The following UBR3 variants were observed in gnomAD, a reference collection of about 807,000 sequenced individuals.
UBR3 encodes ubiquitin protein ligase E3 component n-recognin 3, also known as E3 ubiquitin-protein ligase UBR3.
Under a neutral mutation model 243.2 loss-of-function variants are expected in UBR3, and 85 were observed. The ratio of observed to expected loss-of-function variants is 0.35; its 90% CI spans 0.29 to 0.42. The LOEUF (loss-of-function observed/expected upper bound fraction) is 0.42. UBR3 is among the 10% of genes least tolerant of loss of function. The pLI, the probability that UBR3 is intolerant of heterozygous loss-of-function variation, is 1.00. For synonymous variants in UBR3, 748 were observed against 799.8 expected (o/e 0.94, Z 1.09); for missense variants, 1,686 against 2,300.8 (o/e 0.73, Z 5.47).
In UBR3 at chr2:170,079,968, T is replaced by C; in HGVS notation, c.5354T>C (p.Phe1785Ser). ...GCTGTTTGCCTTGTGTGTGGTACTTTTGTATGCCTGAAAGGACTTTGCTGC... is the reference window on the plus strand; with the variant it reads ...GCTGTTTGCCTTGTGTGTGGTACTTCTGTATGCCTGAAAGGACTTTGCTGC... ...DPAVCLVCGT[F>S]VCLKGLCCKQ... The change falls in exon 37 of 39, where the codon TTT becomes TCT. Residue 1785 changes from phenylalanine (F) to serine (S), a missense_variant. Transcript: ENST00000272793. 1 of 1,614,082 alleles carries C rather than the reference T, an allele frequency of 6.2e-7. No homozygotes were observed. Among genetic ancestry groups the C allele is most frequent in the Non-Finnish European group, 8.5e-7 (1 of 1,179,970 alleles).
intron 13 of UBR3, among the ~76,000 whole-genome samples, chr2:169,924,471 T>C (rs1409560072): frequency 6.6e-6 from 1 of 152,202 alleles, no homozygotes; most frequent in Non-Finnish European, 1.5e-5. Context: ...GCCTTGGTGC[T>C]ACCACTGTTT....
Position 170,041,803 on chromosome 2 carries a change from C to G in UBR3, c.4660+818C>G, listed in dbSNP as rs899230022. On this transcript the variant is annotated intron_variant, in intron 32 of 38. Coordinates refer to ENST00000272793, the MANE Select transcript of UBR3 (RefSeq NM_172070.4). ...GCTTGATCTTTGATAAATCCTTTTACCTAAGGGTGTGAAATAATCATTTAA... is the reference window on the plus strand; with the variant it reads ...GCTTGATCTTTGATAAATCCTTTTAGCTAAGGGTGTGAAATAATCATTTAA... Among the ~76,000 whole-genome samples, 126 of 152,192 alleles carry G rather than the reference C, an allele frequency of 8.3e-4. 1 individual carries two copies. The highest frequency in any genetic ancestry group is 2.8e-3 in the African/African-American group (118 of 41,552).
intron 10 of UBR3, among the ~76,000 whole-genome samples, chr2:169,911,923 A>G (rs924320310): frequency 3.3e-5 from 5 of 152,232 alleles, no homozygotes; most frequent in Admixed American, 1.3e-4. Flanking sequence ...CTCATATAGC[A>G]TAGATTAAAA....
In UBR3 at chr2:170,007,158, G is replaced by A; in HGVS notation, c.4198G>A (p.Glu1400Lys). Residue 1400 changes from glutamate to lysine, a missense_variant, in exon 28 of 39, where the codon GAG becomes AAG. Physicochemically the swap from Glu to Lys is moderately conservative, Grantham distance 56 (BLOSUM62 1). Coordinates refer to ENST00000272793, the MANE Select transcript of UBR3 (RefSeq NM_172070.4). ...CATACAAGATCTCATAAAGGAAGTG[G>A]AGGAGCTGCAGGGACGACCGGGAGC... ...KSIQDLIKEV[E>K]ELQGRPGAFP... is the part of the protein sequence containing the mutation. The A allele has an allele frequency of 6.2e-7, 1 of 1,610,922 alleles. No homozygotes were observed. Among genetic ancestry groups the A allele is most frequent in the African/African-American group, 1.3e-5 (1 of 74,828 alleles).
At chr2:169,934,623 TC>T (rs1191809174) in intron 19 of UBR3, among the ~76,000 whole-genome samples, 1 of 152,208 alleles carries the variant, frequency 6.6e-6, no homozygotes, top group African/African-American at 2.4e-5. Context: ...AGGGATCTTT[TC>T]TTATTTGTAA....
rs1055649390 is a variant in UBR3 at position 169,828,139 on chromosome 2, T to C, written c.545+87T>C. 9 of 1,283,700 alleles carry C rather than the reference T, an allele frequency of 7.0e-6. No homozygotes were observed. The African/African-American group carries it at 1.2e-4, about 17-fold the overall frequency. 79.5% of individuals were successfully genotyped at this position (1,283,700 alleles called of 1,614,324 possible). A position where few individuals can be genotyped will look rare whatever the true frequency, so the allele number is the denominator to read the frequency against. On this transcript the variant is annotated intron_variant, in intron 1 of 38. Transcript: ENST00000272793. ...GGAGCGGAGCACTGGGAGCCCACTC[T>C]GAGCTGTCAAGGGGAGGGTGCGGGG...
At chr2:169,915,819 A>C (rs114946965) in intron 11 of UBR3, among the ~76,000 whole-genome samples, 2,973 of 152,184 alleles carry the variant, frequency 0.02, 107 homozygotes, top group African/African-American at 0.065. Flanking sequence ...TTTTGTCTCT[A>C]GAGATTCATA....
At position 169,883,239 on chromosome 2, in the gene UBR3, A is replaced by G. The variant is rs117657645; in HGVS notation, c.1038+4665A>G. On this transcript the variant is annotated intron_variant, in intron 5 of 38. Coordinates refer to ENST00000272793, the MANE Select transcript of UBR3 (RefSeq NM_172070.4). ...GACGGAGATCTAAGATGGCTCACTC[A>G]TAGGGCTGATAGTTGATGCTGACCA... is the stretch of plus-strand genomic sequence containing the variant. 4.9e-4 allele frequency among the ~76,000 whole-genome samples: 74 copies of G among 152,214 alleles called. No homozygotes were observed. The East Asian group carries it at 0.013, about 26-fold the overall frequency.
chr2:169,912,975 A>G (rs190322494), intron 10 of UBR3, among the ~76,000 whole-genome samples: 80 of 152,242 alleles, frequency 5.3e-4, no homozygotes, highest in Non-Finnish European at 6.8e-4. Context: ...TCGCAGAGAC[A>G]GAGACTTGCT....
intron 1 of UBR3, among the ~76,000 whole-genome samples, chr2:169,864,362 A>G (rs2083183907): frequency 6.6e-6 from 1 of 152,194 alleles, no homozygotes; most frequent in Non-Finnish European, 1.5e-5. Context: ...CAAGGCCTCC[A>G]TATTCCCAGG....
chr2:169,891,727 C>T (rs2084386106), intron 6 of UBR3, among the ~76,000 whole-genome samples: 1 of 151,824 alleles, frequency 6.6e-6, no homozygotes, highest in Admixed American at 6.6e-5. Context: ...TATAAATATG[C>T]TTTGTAGTGA....
intron 31 of UBR3, among the ~76,000 whole-genome samples, chr2:170,038,531 CAT>C (rs2090886552): frequency 6.6e-6 from 1 of 152,010 alleles, no homozygotes; most frequent in Non-Finnish European, 1.5e-5. Context: ...ATTAGAGGAA[CAT>C]AAAATTGGAG....
At chr2:169,978,374 A>AT (rs1349442703) in intron 24 of UBR3, among the ~76,000 whole-genome samples, 2 of 151,982 alleles carry the variant, frequency 1.3e-5, no homozygotes, top group Admixed American at 6.6e-5. Flanking sequence ...GTAGGGGTAG[A>AT]TTTAGGTTGC....
rs1558998899 is a variant in UBR3 at position 169,836,059 on chromosome 2, A to T, written c.545+8007A>T. On this transcript the variant is annotated intron_variant, in intron 1 of 38. Transcript: ENST00000272793. Reference sequence around the variant, plus strand: ...TCTCTCTCTCTATATATATATATATATATATATATTTTTTTTTTTTTTTTT... The same window carrying T: ...TCTCTCTCTCTATATATATATATATTTATATATATTTTTTTTTTTTTTTTT... Among the ~76,000 whole-genome samples, 60 of 40,926 alleles carry T rather than the reference A, an allele frequency of 1.5e-3. 2 individuals are homozygous for T. Among genetic ancestry groups the T allele is most frequent in the African/African-American group, 2.2e-3 (32 of 14,274 alleles). 26.8% of individuals were successfully genotyped at this position (40,926 alleles called of 152,430 possible). A position where few individuals can be genotyped will look rare whatever the true frequency, so the allele number is the denominator to read the frequency against.
chr2:169,840,907 G>A (rs913060066), intron 1 of UBR3, among the ~76,000 whole-genome samples: 5 of 152,142 alleles, frequency 3.3e-5, no homozygotes, highest in Non-Finnish European at 1.5e-5. Flanking sequence ...AATGCAGGGA[G>A]CAGAGACTTG....
chr2:169,890,563 A>ATATATATCTATGTGTGTG (rs1255881148), intron 5 of UBR3, among the ~76,000 whole-genome samples: 1 of 83,924 alleles, frequency 1.2e-5, no homozygotes, highest in Non-Finnish European at 2.4e-5. Context: ...ATATATATAT[A>ATATATATCTATGTGTGTG]TGTGTATATA....
At chr2:169,854,273 T>A (rs1197677116) in intron 1 of UBR3, among the ~76,000 whole-genome samples, 1 of 152,252 alleles carries the variant, frequency 6.6e-6, no homozygotes, top group Admixed American at 6.5e-5. Context: ...AATAGTTTTT[T>A]AATGACAATA....
intron 33 of UBR3, among the ~76,000 whole-genome samples, chr2:170,060,275 A>G (rs189645603): frequency 2.0e-5 from 3 of 152,274 alleles, no homozygotes; most frequent in Non-Finnish European, 4.4e-5. Context: ...TTCTTTATGT[A>G]TAAAGATCTT....
At chr2:169,950,222 G>C (rs2086960513) in intron 23 of UBR3, among the ~76,000 whole-genome samples, 157 bp downstream of exon 23, 1 of 152,070 alleles carries the variant, frequency 6.6e-6, no homozygotes. Context: ...GTCAGTGCTT[G>C]TACATGTGAT....
Sources: allele counts gnomAD v4.1 joint callset (sites outside exome capture counted in the v4.1 genomes callset), GRCh38; gene constraint gnomAD v4.1.1; transcripts MANE v1.5; gene names NCBI Gene and HGNC (gene_info 2026-07-23, HGNC 2026-07-21).